Variants in SHF observed in about 807,000 individuals in gnomAD.
SHF encodes SH2 domain-containing adapter protein F.
In SHF, 30 loss-of-function variants were observed where a neutral mutation model predicts 42.4. That is an observed-to-expected ratio of 0.71 (90% CI 0.53 to 0.96). The LOEUF (loss-of-function observed/expected upper bound fraction) is 0.96, where lower values mean the gene tolerates loss of function less well. Among genes scored for constraint, SHF ranks in the 40% least tolerant of loss-of-function variants. SHF has a pLI of 0.00. For synonymous variants in SHF, 264 were observed against 269.9 expected (o/e 0.98, Z 0.21); for missense variants, 598 against 634.0 (o/e 0.94, Z 0.61).
At chr15:45,171,519 A>C in intron 6 of SHF, 1 of 221,978 alleles carries the variant, frequency 4.5e-6, no homozygotes, top group East Asian at 9.8e-5. Flanking sequence ...GACAGTGATA[A>C]TTTATTGAGC....
exon 2 of SHF, chr15:45,198,827 C>A: frequency 1.2e-6 from 2 of 1,613,988 alleles, no homozygotes; most frequent in Admixed American, 1.7e-5. Flanking sequence ...CGTTGTACTC[C>A]GCCAGTTGCT....
upstream of SHF, among the ~76,000 whole-genome samples, chr15:45,189,059 G>A (rs1157007610): frequency 6.6e-6 from 1 of 151,998 alleles, no homozygotes; most frequent in African/African-American, 2.4e-5. Context: ...CGGGTGTGGT[G>A]GCGGGCACCT....
chr15:45,172,137 A>T lies in SHF; in HGVS notation c.1160+10T>A, dbSNP rs760541802. On this transcript the variant is annotated intron_variant, in intron 5 of 6. Transcript: ENST00000690270. ...GGGGAGGGAGTCCCCAGCTGGACAC[A>T]GACACTCACACCTGGTTTTCCAGAG... 26 of 1,613,772 alleles carry T rather than the reference A, an allele frequency of 1.6e-5. No homozygotes were observed. The highest frequency in any genetic ancestry group is 1.9e-5 in the Non-Finnish European group (22 of 1,179,856).
Position 45,187,776 on chromosome 15 carries a change from C to G in SHF, c.176G>C (p.Gly59Ala), listed in dbSNP as rs1011965565. Residue 59 changes from glycine (G) to alanine (A), a missense_variant, in exon 1 of 7, where the codon GGG becomes GCG. By Grantham distance (60) the Gly-to-Ala change is moderately conservative. This residue lies in a region of SHF where 159 missense variants were observed against 109.3 expected (regional missense o/e 1.45). Transcript: ENST00000690270. ...KWLREHLGFR[G>A]GGGGGGGSKP... The stretch of plus-strand genomic sequence containing the variant: ...GCTGCCCCCTCCGCCGCCGCCCCCC[C>G]CGCGGAAGCCCAGGTGCTCCCGGAG... 4.6e-6 allele frequency: 4 copies of G among 869,936 alleles called. No homozygotes were observed. The highest frequency in any genetic ancestry group is 4.5e-6 in the Non-Finnish European group (3 of 667,350). The allele number at this position is 869,936 out of a possible 1,614,324, so 53.9% of individuals were successfully genotyped here.
intron 2 of SHF, among the ~76,000 whole-genome samples, chr15:45,194,049 C>G (rs990553490): frequency 5.4e-5 from 8 of 147,876 alleles, no homozygotes; most frequent in Admixed American, 2.0e-4. Context: ...TTGCTATGAG[C>G]CAAGATCGTG....
chr15:45,199,157 A>G, intron 1 of SHF: 1 of 1,399,098 alleles, frequency 7.1e-7, no homozygotes, highest in South Asian at 1.5e-5. Context: ...AATTCAGCAA[A>G]CGCATCTCCC....
intron 6 of SHF, chr15:45,170,645 CT>C (rs146136602): frequency 0.23 from 50,744 of 219,250 alleles, 3,952 homozygotes; most frequent in East Asian, 0.46. Flanking sequence ...TTATCTTTTT[CT>C]TTTTTTTTTT....
At chr15:45,189,739 A>G (rs888090397), upstream of SHF, among the ~76,000 whole-genome samples, 12 of 135,200 alleles carry the variant, frequency 8.9e-5, no homozygotes, top group Admixed American at 8.4e-5. Flanking sequence ...AAAGGAAAGG[A>G]GTTCAAAGCG....
chr15:45,196,570 C>G (rs1197915360), intron 2 of SHF, among the ~76,000 whole-genome samples: 1 of 152,086 alleles, frequency 6.6e-6, no homozygotes, highest in Non-Finnish European at 1.5e-5. Flanking sequence ...TTGCTTTTAC[C>G]AACTTTCTGT....
intron 5 of SHF, 58 bp from the exon 6 acceptor site, chr15:45,172,060 C>T (rs753500400): frequency 1.9e-6 from 3 of 1,613,874 alleles, no homozygotes; most frequent in Admixed American, 1.7e-5. Context: ...TGTCCAGGCC[C>T]ACCCATTGTG....
chr15:45,178,680 A>G (rs907645626), intron 1 of SHF, among the ~76,000 whole-genome samples: 7 of 151,800 alleles, frequency 4.6e-5, no homozygotes, highest in Non-Finnish European at 8.8e-5. Flanking sequence ...GACTACAGGC[A>G]CGCACCACCA....
At chr15:45,181,601 A>C (rs1044551860) in intron 1 of SHF, among the ~76,000 whole-genome samples, 1 of 152,188 alleles carries the variant, frequency 6.6e-6, no homozygotes, top group African/African-American at 2.4e-5. Flanking sequence ...TACTCAATGT[A>C]TACTAAGGGA....
intron 1 of SHF, chr15:45,199,231 G>C (rs2141461143): frequency 2.4e-6 from 2 of 848,430 alleles, no homozygotes; most frequent in East Asian, 2.8e-5. Context: ...GACTCCTCCT[G>C]ACTCCTCCTT....
At chr15:45,193,259 A>T (rs1898759261) in intron 2 of SHF, among the ~76,000 whole-genome samples, 1 of 152,248 alleles carries the variant, frequency 6.6e-6, no homozygotes. Flanking sequence ...AAGGATGCAC[A>T]CATGACAGCC....
chr15:45,175,086 G>A (rs1567031495), intron 3 of SHF, 133 bp downstream of exon 3: 4 of 987,320 alleles, frequency 4.1e-6, no homozygotes, highest in Non-Finnish European at 5.9e-6. Context: ...CTATGGTACA[G>A]AACTCAACTA....
rs1284749021 is a variant in SHF, at chr15:45,171,761, C to T, written c.1280+122G>A. The T allele has an allele frequency of 6.6e-6, 7 of 1,054,666 alleles. No homozygotes were observed. In the East Asian group the frequency reaches 1.6e-4, roughly 24 times the overall value. 65.3% of individuals were successfully genotyped at this position (1,054,666 alleles called of 1,614,324 possible). A position where few individuals can be genotyped will look rare whatever the true frequency, so the allele number is the denominator to read the frequency against. ...TGAGTCTCAGACATCTCAGGACCCCCAGTGCCTGGGGATTGTTCATGGGGG... is the reference window on the plus strand; with the variant it reads ...TGAGTCTCAGACATCTCAGGACCCCTAGTGCCTGGGGATTGTTCATGGGGG... On this transcript the variant is annotated intron_variant, in intron 6 of 6. Transcript: ENST00000690270.
In SHF at chr15:45,173,727, C is replaced by T. The variant is rs754147511; in HGVS notation, c.848-11G>A. 6.4e-7 allele frequency: 1 copy of T among 1,551,746 alleles called. No homozygotes were observed. The highest frequency in any genetic ancestry group is 1.2e-5 in the South Asian group (1 of 84,054). ...TGACCTTAATGTCAACTGGAGCCAGCAGCAGAAGTGAGAAGAGAGACAGAC... is the reference window on the plus strand; with the variant it reads ...TGACCTTAATGTCAACTGGAGCCAGTAGCAGAAGTGAGAAGAGAGACAGAC... On this transcript the variant is annotated splice_polypyrimidine_tract_variant and intron_variant, in intron 3 of 6. Coordinates refer to ENST00000690270, the MANE Select transcript of SHF (RefSeq NM_001394037.1).
In SHF at chr15:45,175,343, G is replaced by T; in HGVS notation, c.723C>A (p.Thr241=). 1 of 1,599,004 alleles carries T rather than the reference G, an allele frequency of 6.3e-7. No homozygotes were observed. Among genetic ancestry groups the T allele is most frequent in the Non-Finnish European group, 8.5e-7 (1 of 1,172,706 alleles). ...TPYEPEEDGA[T]AEGEGAPWPR... is the part of the protein sequence containing the mutation. ...GCCAGGGGGCCCCCTCACCTTCCGC[G>T]GTGGCCCCATCCTCCTCTGGCTCAT... Residue 241 remains threonine, a synonymous_variant, in exon 3 of 7, where the codon ACC becomes ACA. Transcript: ENST00000690270.
At chr15:45,199,317 A>C (rs1595652472) in intron 1 of SHF, among the ~76,000 whole-genome samples, 4 of 152,136 alleles carry the variant, frequency 2.6e-5, no homozygotes, top group Admixed American at 2.6e-4. Flanking sequence ...GTCCGATTTT[A>C]ATTATTGTCC....
Sources: allele counts gnomAD v4.1 joint callset (sites outside exome capture counted in the v4.1 genomes callset), GRCh38; gene constraint gnomAD v4.1.1; regional missense constraint gnomAD v4.1.1; transcripts MANE v1.5; gene names NCBI Gene and HGNC (gene_info 2026-07-23, HGNC 2026-07-21).